TRPC6: variants seen among roughly 807,000 people sequenced by gnomAD.
The protein encoded by TRPC6 is transient receptor potential cation channel subfamily C member 6.
TRPC6 carries 55 observed loss-of-function variants against 90.7 expected under a neutral mutation model. That is an observed-to-expected ratio of 0.61 (90% CI 0.49 to 0.76). The LOEUF is 0.76. Among genes scored for constraint, TRPC6 ranks in the 30% least tolerant of loss-of-function variants. The pLI is 0.00. For synonymous variants in TRPC6, 393 were observed against 393.0 expected (o/e 1.00, Z 0.00); for missense variants, 989 against 1,122.7 (o/e 0.88, Z 1.70).
intron 1 of TRPC6, among the ~76,000 whole-genome samples, chr11:101,554,245 A>G (rs1255621368): frequency 1.1e-4 from 17 of 152,184 alleles, no homozygotes; most frequent in Admixed American, 1.1e-3. Context: ...ACTGAAAATG[A>G]AAATTGTTCC....
chr11:101,556,309 C>T (rs774336975), intron 1 of TRPC6, among the ~76,000 whole-genome samples: 13 of 148,858 alleles, frequency 8.7e-5, no homozygotes, highest in Non-Finnish European at 1.3e-4. Context: ...ATCAACAAAC[C>T]TTTAGTTGGG....
chr11:101,538,613 C>T (rs1458335802), intron 1 of TRPC6, among the ~76,000 whole-genome samples: 2 of 152,150 alleles, frequency 1.3e-5, no homozygotes, highest in African/African-American at 4.8e-5. Flanking sequence ...GAGATATTTT[C>T]CTGGATTATC....
chr11:101,549,607 A>C (rs1861406957), intron 1 of TRPC6, among the ~76,000 whole-genome samples: 1 of 151,520 alleles, frequency 6.6e-6, no homozygotes, highest in Non-Finnish European at 1.5e-5. Flanking sequence ...ATAAGGGAGA[A>C]AAGAGGAGTT....
At chr11:101,536,452 A>C (rs1861050783) in intron 1 of TRPC6, among the ~76,000 whole-genome samples, 1 of 149,088 alleles carries the variant, frequency 6.7e-6, no homozygotes, top group Non-Finnish European at 1.5e-5. Flanking sequence ...AAGTGCTCAG[A>C]GTGTGGTAAG....
At chr11:101,547,169 T>G (rs1486335135) in intron 1 of TRPC6, among the ~76,000 whole-genome samples, 1 of 152,166 alleles carries the variant, frequency 6.6e-6, no homozygotes, top group African/African-American at 2.4e-5. Flanking sequence ...TATTAAACTT[T>G]ATATGTATTA....
intron 10 of TRPC6, among the ~76,000 whole-genome samples, chr11:101,468,647 G>A (rs1441524911): frequency 1.3e-5 from 2 of 152,156 alleles, no homozygotes; most frequent in Non-Finnish European, 2.9e-5. Flanking sequence ...CTGTCCTCTT[G>A]AATCTGACTA....
chr11:101,560,617 A>G (rs562777821), intron 1 of TRPC6, among the ~76,000 whole-genome samples: 8 of 151,982 alleles, frequency 5.3e-5, no homozygotes, highest in Non-Finnish European at 1.0e-4. Flanking sequence ...AGCCCCATAC[A>G]GCAGACACAG....
At chr11:101,480,616 T>C (rs1018710673) in intron 5 of TRPC6, among the ~76,000 whole-genome samples, 5 of 151,860 alleles carry the variant, frequency 3.3e-5, no homozygotes, top group African/African-American at 1.2e-4. Flanking sequence ...TTTCATCTTG[T>C]CCTAAAACAG....
chr11:101,563,074 C>T (rs998103806), intron 1 of TRPC6, among the ~76,000 whole-genome samples: 9 of 152,132 alleles, frequency 5.9e-5, no homozygotes, highest in Non-Finnish European at 1.2e-4. Context: ...CCATATATAA[C>T]AATTTAAATT....
chr11:101,452,750 C>A lies in TRPC6; in HGVS notation c.*205G>T, dbSNP rs1290176495. On this transcript the variant is annotated 3_prime_UTR_variant, in exon 13 of 13. Coordinates refer to ENST00000344327, the MANE Select transcript of TRPC6 (RefSeq NM_004621.6). Reference sequence around the variant, plus strand: ...CACCAAACAACTGGGCATAATTTTCCTCATTATCTACAGCCTTTACCCTGA... The same window carrying A: ...CACCAAACAACTGGGCATAATTTTCATCATTATCTACAGCCTTTACCCTGA... The A allele has an allele frequency of 3.5e-6, 2 of 577,092 alleles. No homozygotes were observed. The highest frequency in any genetic ancestry group is 6.1e-6 in the Non-Finnish European group (2 of 328,118). The allele number at this position is 577,092 out of a possible 1,614,324, so 35.7% of individuals were successfully genotyped here.
In TRPC6 at chr11:101,452,195, T is replaced by A. The variant is rs201305463; in HGVS notation, c.*760A>T. On this transcript the variant is annotated 3_prime_UTR_variant, in exon 13 of 13. Transcript: ENST00000344327. ...AGACAGTAAAATTTTTTAGTGACAA[T>A]AAAAATTTATAACATAAAGAGCTTT... The A allele has an allele frequency of 6.6e-6, 1 of 151,982 alleles. No individual in the cohort carries two copies. Among genetic ancestry groups the A allele is most frequent in the Non-Finnish European group, 1.5e-5 (1 of 67,974 alleles). The allele number at this position is 151,982 out of a possible 1,614,324, so 9.4% of individuals were successfully genotyped here. A position where few individuals can be genotyped will look rare whatever the true frequency, so the allele number is the denominator to read the frequency against.
In TRPC6 at chr11:101,504,761, T is replaced by C. The variant is rs1299581932; in HGVS notation, c.208A>G (p.Thr70Ala). The C allele has an allele frequency of 2.5e-6, 4 of 1,606,476 alleles. No homozygotes were observed. The African/African-American group carries it at 5.4e-5, about 22-fold the overall frequency. The change falls in exon 2 of 13, where the codon ACA (threonine) becomes GCA (alanine). Residue 70 changes from threonine (T) to alanine (A), a missense_variant. Physicochemically the swap from Thr to Ala is moderately conservative, Grantham distance 58 (BLOSUM62 0). This residue lies in a region of TRPC6 where 194 missense variants were observed against 136.5 expected (regional missense o/e 1.42). Coordinates refer to ENST00000344327, the MANE Select transcript of TRPC6 (RefSeq NM_004621.6). ...CTTCTCCCCTTCTCACGGAGAACTG[T>C]CTGCCGCCGGTGAGCCAGTCTGTTG... ...SDNRLAHRRQ[T>A]VLREKGRRLA...
intron 10 of TRPC6, among the ~76,000 whole-genome samples, chr11:101,461,927 C>G (rs970364020): frequency 6.6e-6 from 1 of 152,152 alleles, no homozygotes; most frequent in Admixed American, 6.5e-5. Flanking sequence ...ATACTTCCTA[C>G]CATGTTCCTT....
At chr11:101,453,546 G>C (rs1485043138) in intron 12 of TRPC6, 104 bp downstream of exon 12, 1 of 1,126,296 alleles carries the variant, frequency 8.9e-7, no homozygotes, top group Non-Finnish European at 1.3e-6. Flanking sequence ...TCCCCTTGAA[G>C]TTCACTCTCC....
At chr11:101,547,736 G>A (rs1348465119) in intron 1 of TRPC6, among the ~76,000 whole-genome samples, 3 of 152,140 alleles carry the variant, frequency 2.0e-5, no homozygotes, top group African/African-American at 7.2e-5. Context: ...CTGCCTGAAG[G>A]TCCAGCATAC....
intron 1 of TRPC6, among the ~76,000 whole-genome samples, chr11:101,567,484 G>C (rs148140697): frequency 0.016 from 2,404 of 152,350 alleles, 28 homozygotes; most frequent in Middle Eastern, 0.082. Context: ...GAAGAGAGCA[G>C]TGGATCTCCC....
intron 1 of TRPC6, among the ~76,000 whole-genome samples, chr11:101,522,243 T>G (rs1046252382): frequency 6.6e-6 from 1 of 152,228 alleles, no homozygotes; most frequent in African/African-American, 2.4e-5. Flanking sequence ...GATATTCCCC[T>G]TACTATTCTC....
At chr11:101,543,100 C>G (rs2136823083) in intron 1 of TRPC6, among the ~76,000 whole-genome samples, 1 of 152,062 alleles carries the variant, frequency 6.6e-6, no homozygotes, top group Admixed American at 6.5e-5. Context: ...CAGCCCAAAA[C>G]AAAGGGCAAG....
At chr11:101,546,802 A>G (rs1342037734) in intron 1 of TRPC6, among the ~76,000 whole-genome samples, 1 of 152,222 alleles carries the variant, frequency 6.6e-6, no homozygotes, top group Non-Finnish European at 1.5e-5. Context: ...GACTGTATAC[A>G]TATAACACAA....
Sources: gnomAD v4.1 joint callset for allele counts (sites outside exome capture counted in the v4.1 genomes callset) on GRCh38, gnomAD v4.1.1 for gene constraint, gnomAD v4.1.1 regional missense constraint, MANE v1.5 for transcripts, NCBI Gene and HGNC (gene_info 2026-07-23, HGNC 2026-07-21) for gene names.